The following USH2A variants were observed in gnomAD, a reference collection of about 807,000 sequenced individuals.
USH2A encodes the protein Usher syndrome 2A (autosomal recessive, mild).
In USH2A, 443 loss-of-function variants were observed where a neutral mutation model predicts 538.9. The ratio of observed to expected loss-of-function variants is 0.82; its 90% CI spans 0.76 to 0.89. The LOEUF (loss-of-function observed/expected upper bound fraction) is 0.89, where lower values mean the gene tolerates loss of function less well. USH2A is among the 40% of genes least tolerant of loss of function. The pLI is 0.00. For synonymous variants in USH2A, 2,413 were observed against 2,273.5 expected (o/e 1.06, Z -1.75); for missense variants, 6,633 against 6,324.8 (o/e 1.05, Z -1.65).
chr1:215,808,866 T>C (rs1571707656), intron 49 of USH2A, among the ~76,000 whole-genome samples: 1 of 152,120 alleles, frequency 6.6e-6, no homozygotes, highest in Non-Finnish European at 1.5e-5. Flanking sequence ...TAAACCCTCA[T>C]GTACAGGTTT....
At chr1:215,630,875 A>C (rs1363699738) in intron 70 of USH2A, among the ~76,000 whole-genome samples, 1 of 151,788 alleles carries the variant, frequency 6.6e-6, no homozygotes, top group Non-Finnish European at 1.5e-5. Flanking sequence ...AAAAAAAAAA[A>C]AACCTTGGTG....
intron 21 of USH2A, among the ~76,000 whole-genome samples, chr1:216,138,698 T>C (rs1271874764): frequency 6.6e-6 from 1 of 152,146 alleles, no homozygotes; most frequent in Non-Finnish European, 1.5e-5. Context: ...TATCATCTAT[T>C]TTCCCCCTGC....
At chr1:216,294,329 T>A (rs1463998700) in intron 9 of USH2A, among the ~76,000 whole-genome samples, 4 of 152,094 alleles carry the variant, frequency 2.6e-5, no homozygotes, top group Admixed American at 6.5e-5. Context: ...CAACATGAGA[T>A]AATTTCTTTC....
intron 9 of USH2A, among the ~76,000 whole-genome samples, chr1:216,315,916 A>T (rs1035753834): frequency 6.6e-6 from 1 of 152,230 alleles, no homozygotes; most frequent in Non-Finnish European, 1.5e-5. Context: ...AATGAATAGC[A>T]TCTAGGCTTT....
At chr1:215,952,875 G>T (rs896630943) in intron 37 of USH2A, among the ~76,000 whole-genome samples, 2 of 151,964 alleles carry the variant, frequency 1.3e-5, no homozygotes, top group African/African-American at 2.4e-5. Context: ...TGCTCTTCTC[G>T]AGGAGTATCT....
chr1:215,702,912 G>C (rs940976697), intron 61 of USH2A, among the ~76,000 whole-genome samples: 3 of 151,920 alleles, frequency 2.0e-5, no homozygotes, highest in African/African-American at 7.3e-5. Flanking sequence ...GGAATTTTCA[G>C]CCTTTTTGCG....
intron 71 of USH2A, among the ~76,000 whole-genome samples, chr1:215,627,493 C>T (rs1202226095): frequency 5.5e-4 from 74 of 134,686 alleles, no homozygotes; most frequent in African/African-American, 1.5e-3. Flanking sequence ...TCTTTCCTTC[C>T]TTCCTTCCTT....
chr1:215,886,528 T>C (rs188364034), intron 41 of USH2A: 3 of 152,328 alleles, frequency 2.0e-5, no homozygotes, highest in Admixed American at 2.0e-4. Context: ...AAGATGAGAA[T>C]AAAAAGTGTG....
At chr1:215,972,283 C>G (rs1667512881) in intron 35 of USH2A, among the ~76,000 whole-genome samples, 1 of 152,110 alleles carries the variant, frequency 6.6e-6, no homozygotes, top group African/African-American at 2.4e-5. Flanking sequence ...GGACAAAGCA[C>G]CTGCAGCCTC....
intron 55 of USH2A, among the ~76,000 whole-genome samples, chr1:215,772,456 C>T (rs982463478): frequency 2.9e-4 from 44 of 152,130 alleles, no homozygotes; most frequent in Admixed American, 5.2e-4. Flanking sequence ...CTGAATTTCC[C>T]TACAGGGAAT....
chr1:216,156,273 T>G (rs1019473234), intron 21 of USH2A, among the ~76,000 whole-genome samples: 42 of 138,270 alleles, frequency 3.0e-4, no homozygotes, highest in Admixed American at 9.6e-4. Context: ...TTTCTTTTTC[T>G]TTCTTTCTTT....
chr1:216,146,139 CCTA>C (rs1311727378), intron 21 of USH2A, among the ~76,000 whole-genome samples: 57 of 152,328 alleles, frequency 3.7e-4, no homozygotes, highest in African/African-American at 1.3e-3. Flanking sequence ...GAAAGATCCA[CCTA>C]CGACCTCAGG....
intron 31 of USH2A, 75 bp downstream of exon 31, chr1:216,048,459 G>T: frequency 6.9e-7 from 1 of 1,443,008 alleles, no homozygotes; most frequent in Non-Finnish European, 9.8e-7. Flanking sequence ...AAATGGCCTT[G>T]TAGCATTTAG....
intron 11 of USH2A, among the ~76,000 whole-genome samples, chr1:216,284,444 T>C (rs889715571): frequency 1.7e-4 from 26 of 152,298 alleles, no homozygotes; most frequent in African/African-American, 6.3e-4. Context: ...TGTTTCCCCT[T>C]CTGCCATGAT....
intron 37 of USH2A, among the ~76,000 whole-genome samples, chr1:215,940,385 C>T (rs1466315586): frequency 6.6e-6 from 1 of 152,042 alleles, no homozygotes; most frequent in African/African-American, 2.4e-5. Context: ...TTTCAGGTCT[C>T]TCTATATACC....
At position 216,311,543 on chromosome 1, in the gene USH2A, GC is replaced by G. The variant is rs2037419886; in HGVS notation, c.1644+10339del. ...GTGACAATTTCTGGTGATAATCTCA[GC>G]AATGTATATTTGTTAATTTTTCTTT... is the stretch of plus-strand genomic sequence containing the variant. On this transcript the variant is annotated intron_variant, in intron 9 of 71. Transcript: ENST00000307340. 2.0e-5 allele frequency among the ~76,000 whole-genome samples: 3 copies of G among 152,064 alleles called. No individual in the cohort carries two copies. In the South Asian group the frequency reaches 6.2e-4, roughly 32 times the overall value.
intron 32 of USH2A, among the ~76,000 whole-genome samples, chr1:216,014,351 C>A (rs1280667918): frequency 6.6e-6 from 1 of 152,042 alleles, no homozygotes; most frequent in Non-Finnish European, 1.5e-5. Flanking sequence ...CTGATAAATT[C>A]TTTGAGAGTG....
intron 38 of USH2A, among the ~76,000 whole-genome samples, chr1:215,913,509 A>G (rs910913864): frequency 1.3e-5 from 2 of 152,122 alleles, no homozygotes; most frequent in African/African-American, 4.8e-5. Flanking sequence ...CAAGGCAGCA[A>G]GGGTGGGAGA....
rs768424417 is a variant in USH2A, at chr1:216,422,113, C to G, written c.224G>C (p.Ser75Thr). ...TFCHSSAAAE[S>T]IQFCTQRFCI... The stretch of plus-strand genomic sequence containing the variant: ...AAACCGCTGGGTACAGAACTGAATA[C>G]TTTCAGCAGCAGCAGAGCTGTGACA... Residue 75 changes from serine to threonine, a missense_variant, in exon 2 of 72, where the codon AGT (serine) becomes ACT (threonine). Physicochemically the swap from Ser to Thr is moderately conservative, Grantham distance 58. Coordinates refer to ENST00000307340, the MANE Select transcript of USH2A (RefSeq NM_206933.4). 6.2e-7 allele frequency: 1 copy of G among 1,613,822 alleles called. No individual in the cohort carries two copies. The highest frequency in any genetic ancestry group is 8.5e-7 in the Non-Finnish European group (1 of 1,179,890).
Sources: allele counts gnomAD v4.1 joint callset (sites outside exome capture counted in the v4.1 genomes callset), GRCh38; gene constraint gnomAD v4.1.1; transcripts MANE v1.5; gene names NCBI Gene and HGNC (gene_info 2026-07-23, HGNC 2026-07-21).